Variants in DOCK4 observed in about 807,000 individuals in gnomAD.
DOCK4 encodes the protein dedicator of cytokinesis 4.
In DOCK4, 97 loss-of-function variants were observed where a neutral mutation model predicts 268.1. The observed-to-expected ratio is 0.36, with a 90% CI of 0.31 to 0.43. The LOEUF (loss-of-function observed/expected upper bound fraction) is 0.43, where lower values mean the gene tolerates loss of function less well. DOCK4 is among the 20% of genes least tolerant of loss of function. The pLI is 1.00. For synonymous variants in DOCK4, 954 were observed against 887.2 expected, an observed-to-expected ratio of 1.08 and a Z score of -1.34; for missense variants, 2,145 against 2,455.7, an observed-to-expected ratio of 0.87 and a Z score of 2.67.
chr7:112,053,130 CT>C (rs1805512549), intron 1 of DOCK4, among the ~76,000 whole-genome samples: 1 of 152,180 alleles, frequency 6.6e-6, no homozygotes, highest in Non-Finnish European at 1.5e-5. Flanking sequence ...AGCGCTAATT[CT>C]TACTGTCCAG....
intron 1 of DOCK4, among the ~76,000 whole-genome samples, chr7:112,205,006 G>C (rs1336722423): frequency 6.6e-6 from 1 of 152,014 alleles, no homozygotes; most frequent in Non-Finnish European, 1.5e-5. Flanking sequence ...GGTTATAATT[G>C]CATTTGGCCG....
At position 112,004,459 on chromosome 7, in the gene DOCK4, C is replaced by T. The variant is rs529649679; in HGVS notation, c.38-328G>A. Among the ~76,000 whole-genome samples, 25 of 152,262 alleles carry T rather than the reference C, an allele frequency of 1.6e-4. No homozygotes were observed. The South Asian group carries it at 5.0e-3, about 30-fold the overall frequency. On this transcript the variant is annotated intron_variant, in intron 1 of 52. Coordinates refer to ENST00000428084, the MANE Select transcript of DOCK4 (RefSeq NM_001363540.2). ...GGACTGTGACCCTTTTGTTTCACTG[C>T]TTTCTTCACTCCCTCATCCAAATGC...
At chr7:112,198,497 TC>T (rs1266491640) in intron 1 of DOCK4, among the ~76,000 whole-genome samples, 1 of 152,222 alleles carries the variant, frequency 6.6e-6, no homozygotes, top group Non-Finnish European at 1.5e-5. Context: ...TGCTTTCATT[TC>T]CTAAATATCT....
intron 7 of DOCK4, among the ~76,000 whole-genome samples, chr7:111,979,241 G>A (rs1166899903): frequency 6.6e-6 from 1 of 152,170 alleles, no homozygotes; most frequent in African/African-American, 2.4e-5. Flanking sequence ...GAAGCAAAGG[G>A]TGGAAAAAAT....
chr7:111,925,076 T>A (rs1793487137), intron 12 of DOCK4, among the ~76,000 whole-genome samples: 1 of 152,228 alleles, frequency 6.6e-6, no homozygotes, highest in African/African-American at 2.4e-5. Flanking sequence ...AACCTGTTCA[T>A]TTCTGAAATA....
At chr7:111,761,363 G>A (rs1413440174) in intron 39 of DOCK4, among the ~76,000 whole-genome samples, 1 of 152,078 alleles carries the variant, frequency 6.6e-6, no homozygotes, top group Admixed American at 6.6e-5. Flanking sequence ...CCTGGCCATG[G>A]CTTAATGTCT....
intron 25 of DOCK4, among the ~76,000 whole-genome samples, chr7:111,844,195 G>C (rs998530122): frequency 1.3e-5 from 2 of 152,174 alleles, no homozygotes; most frequent in African/African-American, 2.4e-5. Flanking sequence ...AGAATTACTT[G>C]AACCCGGGAG....
intron 10 of DOCK4, among the ~76,000 whole-genome samples, chr7:111,942,167 C>A (rs1490590165): frequency 6.6e-6 from 1 of 152,070 alleles, no homozygotes; most frequent in African/African-American, 2.4e-5. Context: ...GAGCAATCAA[C>A]CAAAAGTCAA....
At chr7:111,929,454 T>C (rs532304184) in intron 12 of DOCK4, among the ~76,000 whole-genome samples, 1 of 152,206 alleles carries the variant, frequency 6.6e-6, no homozygotes, top group South Asian at 2.1e-4. Flanking sequence ...ACATATTAAA[T>C]GTCTAACCAA....
At chr7:111,753,540 A>AAGTT (rs1332970023) in intron 42 of DOCK4, among the ~76,000 whole-genome samples, 1 of 152,218 alleles carries the variant, frequency 6.6e-6, no homozygotes, top group Non-Finnish European at 1.5e-5. Flanking sequence ...AAGTGAAATA[A>AAGTT]AGTTAATAAA....
intron 1 of DOCK4, among the ~76,000 whole-genome samples, chr7:112,066,512 C>A (rs6962713): frequency 0.15 from 21,799 of 144,170 alleles, 1,999 homozygotes; most frequent in East Asian, 0.37. Context: ...CTCTCTCTCT[C>A]TATATATATA....
chr7:111,762,762 CTTTTTTTTTTT>C (rs869052136), intron 39 of DOCK4, among the ~76,000 whole-genome samples: 4 of 63,068 alleles, frequency 6.3e-5, no homozygotes, highest in South Asian at 8.8e-4. Flanking sequence ...GTTTTGTTTT[CTTTTTTTTTTT>C]TTTTTTTTTT....
chr7:112,134,982 A>G (rs1017680301), intron 1 of DOCK4, among the ~76,000 whole-genome samples: 2 of 152,166 alleles, frequency 1.3e-5, no homozygotes, highest in African/African-American at 2.4e-5. Context: ...TTTCACCATT[A>G]AAACATATAT....
At position 111,726,990 on chromosome 7, in the gene DOCK4, G is replaced by A. The variant is rs1794688810; in HGVS notation, c.*1284C>T. The A allele has an allele frequency of 6.6e-6, 1 of 152,182 alleles. No individual in the cohort carries two copies. Among genetic ancestry groups the A allele is most frequent in the Non-Finnish European group, 1.5e-5 (1 of 67,926 alleles). 9.4% of individuals were successfully genotyped at this position (152,182 alleles called of 1,614,324 possible). ...TAAAATGAGCTTCCCAACAAAAGAG[G>A]GAAAATATTTAACAGTATGATTTAA... is the stretch of plus-strand genomic sequence containing the variant. On this transcript the variant is annotated 3_prime_UTR_variant, in exon 53 of 53. Coordinates refer to ENST00000428084, the MANE Select transcript of DOCK4 (RefSeq NM_001363540.2).
chr7:111,893,642 G>GTA (rs750962966), intron 16 of DOCK4, among the ~76,000 whole-genome samples: 37 of 152,272 alleles, frequency 2.4e-4, no homozygotes, highest in Admixed American at 7.2e-4. Flanking sequence ...CCGCAGTCTA[G>GTA]TATATGTAGT....
chr7:111,962,504 A>G (rs1796997904), intron 8 of DOCK4, among the ~76,000 whole-genome samples: 1 of 152,198 alleles, frequency 6.6e-6, no homozygotes, highest in African/African-American at 2.4e-5. Flanking sequence ...CCAGGACTTG[A>G]ACTCTTGCCA....
At chr7:111,852,391 A>T (rs113358543) in intron 23 of DOCK4, among the ~76,000 whole-genome samples, 3 of 152,282 alleles carry the variant, frequency 2.0e-5, no homozygotes, top group African/African-American at 7.2e-5. Context: ...CAAATACAGA[A>T]TATTCAAATC....
intron 1 of DOCK4, among the ~76,000 whole-genome samples, chr7:112,060,969 A>G (rs1806333940): frequency 1.3e-5 from 2 of 152,214 alleles, no homozygotes; most frequent in Admixed American, 1.3e-4. Context: ...GGTAAATTTT[A>G]CGTGTATTTT....
intron 26 of DOCK4, among the ~76,000 whole-genome samples, chr7:111,833,302 G>A (rs1044376739): frequency 1.3e-5 from 2 of 152,128 alleles, no homozygotes; most frequent in Non-Finnish European, 2.9e-5. Flanking sequence ...AGTACTTTAG[G>A]AGGCTGAGAT....
Sources: gnomAD v4.1 joint callset for allele counts (sites outside exome capture counted in the v4.1 genomes callset) on GRCh38, gnomAD v4.1.1 for gene constraint, MANE v1.5 for transcripts, NCBI Gene and HGNC (gene_info 2026-07-23, HGNC 2026-07-21) for gene names.